Variants in NFIA observed in about 807,000 individuals in gnomAD.
NFIA encodes the protein nuclear factor I A.
In NFIA, 8 loss-of-function variants were observed where a neutral mutation model predicts 62.8. The ratio of observed to expected loss-of-function variants is 0.13; its 90% CI spans 0.07 to 0.23. NFIA has a LOEUF of 0.23. Ranked by LOEUF, NFIA falls within the 10% of genes least tolerant of loss-of-function variation. The pLI, the probability that NFIA is intolerant of heterozygous loss-of-function variation, is 1.00. For missense variants in NFIA, 410 were observed against 642.1 expected, an observed-to-expected ratio of 0.64 and a Z score of 3.91; for synonymous variants, 235 against 238.1, an observed-to-expected ratio of 0.99 and a Z score of 0.12.
intron 2 of NFIA, among the ~76,000 whole-genome samples, chr1:61,220,390 C>T (rs1208912352): frequency 5.3e-5 from 8 of 152,142 alleles, no homozygotes; most frequent in Non-Finnish European, 1.2e-4. Flanking sequence ...AGAAGTTACT[C>T]GCTACTTTAT....
intron 5 of NFIA, among the ~76,000 whole-genome samples, chr1:61,355,374 C>T (rs1008346860): frequency 6.6e-6 from 1 of 152,004 alleles, no homozygotes; most frequent in Admixed American, 6.6e-5. Flanking sequence ...GTTCTGTACC[C>T]CTTCAGGGTA....
intron 6 of NFIA, among the ~76,000 whole-genome samples, chr1:61,361,151 C>T (rs1388761776): frequency 6.6e-6 from 1 of 152,192 alleles, no homozygotes; most frequent in Non-Finnish European, 1.5e-5. Context: ...TTAGTACCAA[C>T]CACAGCACTC....
At chr1:61,131,283 C>A (rs1647068967) in intron 2 of NFIA, among the ~76,000 whole-genome samples, 1 of 151,168 alleles carries the variant, frequency 6.6e-6, no homozygotes, top group African/African-American at 2.4e-5. Context: ...TGTTATCATT[C>A]TAATTAGTGA....
At chr1:61,256,991 T>A (rs1275041467) in intron 2 of NFIA, among the ~76,000 whole-genome samples, 1 of 152,234 alleles carries the variant, frequency 6.6e-6, no homozygotes, top group Non-Finnish European at 1.5e-5. Flanking sequence ...TTAAGTGTTA[T>A]AATTAAAGGA....
Position 61,091,202 on chromosome 1 carries a change from G to C in NFIA, c.559+2522G>C, listed in dbSNP as rs138704012. The stretch of plus-strand genomic sequence containing the variant: ...TCCAGAATGCCTTTTTTTCCCCCTA[G>C]ATGGTCATAGAAATTAGATCTTCTT... On this transcript the variant is annotated intron_variant, in intron 2 of 10. Transcript: ENST00000403491. Among the ~76,000 whole-genome samples, 102 of 151,964 alleles carry C rather than the reference G, an allele frequency of 6.7e-4. 2 individuals are homozygous for C. The East Asian group carries it at 0.019, about 28-fold the overall frequency.
intron 3 of NFIA, among the ~76,000 whole-genome samples, chr1:61,300,154 C>G (rs1659418917): frequency 6.6e-6 from 1 of 152,084 alleles, no homozygotes; most frequent in South Asian, 2.1e-4. Context: ...AATTACCATG[C>G]TTACCAGTAA....
intron 9 of NFIA, among the ~76,000 whole-genome samples, chr1:61,418,225 AG>A (rs1666444441): frequency 6.6e-6 from 1 of 152,160 alleles, no homozygotes; most frequent in East Asian, 1.9e-4. Flanking sequence ...GCACATTGGG[AG>A]GCTGAGACAG....
In NFIA at chr1:61,399,832, C is replaced by T. The variant is rs185249807; in HGVS notation, c.1076-4272C>T. Among the ~76,000 whole-genome samples, 268 of 152,264 alleles carry T rather than the reference C, an allele frequency of 1.8e-3. 1 individual carries two copies. Among genetic ancestry groups the T allele is most frequent in the African/African-American group, 6.4e-3 (264 of 41,556 alleles). ...CTCTTATGTGTCTACAAGACCTCCT[C>T]CCCATAGTGGACTCTCAGACCAAGA... On this transcript the variant is annotated intron_variant, in intron 7 of 10. Coordinates refer to ENST00000403491, the MANE Select transcript of NFIA (RefSeq NM_001134673.4).
chr1:61,191,140 C>G (rs1651588445), intron 2 of NFIA, among the ~76,000 whole-genome samples: 3 of 151,540 alleles, frequency 2.0e-5, no homozygotes, highest in Non-Finnish European at 4.4e-5. Flanking sequence ...CTACATTAAT[C>G]TGTTACTGGG....
chr1:61,394,363 T>C (rs1402548853), intron 7 of NFIA, among the ~76,000 whole-genome samples: 2 of 151,924 alleles, frequency 1.3e-5, no homozygotes, highest in Non-Finnish European at 2.9e-5. Context: ...TTAGTAGAGA[T>C]GGGGTTTCAC....
intron 4 of NFIA, among the ~76,000 whole-genome samples, chr1:61,348,667 A>G (rs1214617579): frequency 1.3e-5 from 2 of 152,326 alleles, no homozygotes; most frequent in East Asian, 3.9e-4. Context: ...TAAAAAAGAT[A>G]AGGCAAAAGA....
chr1:61,266,925 A>G (rs1212306147), intron 2 of NFIA, among the ~76,000 whole-genome samples: 2 of 152,184 alleles, frequency 1.3e-5, no homozygotes, highest in African/African-American at 4.8e-5. Flanking sequence ...AAATCATGCC[A>G]TTCAGTCCTG....
intron 10 of NFIA, among the ~76,000 whole-genome samples, chr1:61,446,163 A>T (rs969886016): frequency 7.9e-5 from 12 of 152,190 alleles, no homozygotes; most frequent in African/African-American, 2.2e-4. Context: ...CAAGCCAGTG[A>T]CTGAACTGGG....
intron 9 of NFIA, among the ~76,000 whole-genome samples, chr1:61,421,256 TG>T (rs1299519584): frequency 1.3e-5 from 2 of 152,220 alleles, no homozygotes; most frequent in Non-Finnish European, 2.9e-5. Context: ...TGTAACATGT[TG>T]GGGATAGCAG....
At chr1:61,268,397 C>G (rs1212701933) in intron 2 of NFIA, among the ~76,000 whole-genome samples, 3 of 151,954 alleles carry the variant, frequency 2.0e-5, no homozygotes, top group African/African-American at 7.2e-5. Flanking sequence ...TCTTCCTGCC[C>G]CTCTACTCCC....
intron 3 of NFIA, among the ~76,000 whole-genome samples, chr1:61,294,858 G>A (rs148425823): frequency 1.2e-4 from 18 of 152,264 alleles, no homozygotes; most frequent in African/African-American, 3.9e-4. Context: ...CGTATTCAGT[G>A]GACTTCTGTA....
intron 2 of NFIA, chr1:61,250,046 A>G (rs1570451572): frequency 6.6e-6 from 1 of 152,198 alleles, no homozygotes; most frequent in Non-Finnish European, 1.5e-5. Flanking sequence ...TGGAAGTTTC[A>G]AATCTATTTT....
At position 61,460,486 on chromosome 1, in the gene NFIA, A is replaced by G. The variant is rs1668486168; in HGVS notation, c.*5166A>G. ...TGGGCTCAATTCACTCTGCTTTCCA[A>G]CAGTGTAAATGCATAGCAGTGTTTA... On this transcript the variant is annotated 3_prime_UTR_variant, in exon 11 of 11. Transcript: ENST00000403491. The G allele has an allele frequency of 6.6e-6, 1 of 152,240 alleles. No homozygotes were observed. 9.4% of individuals were successfully genotyped at this position (152,240 alleles called of 1,614,324 possible). A position where few individuals can be genotyped will look rare whatever the true frequency, so the allele number is the denominator to read the frequency against.
intron 2 of NFIA, among the ~76,000 whole-genome samples, chr1:61,191,674 T>TG (rs1651634712): frequency 6.6e-6 from 1 of 152,202 alleles, no homozygotes; most frequent in Admixed American, 6.5e-5. Context: ...AGCCTGGTGA[T>TG]GCCATGGCAT....
Sources: gnomAD v4.1 joint callset for allele counts (sites outside exome capture counted in the v4.1 genomes callset) on GRCh38, gnomAD v4.1.1 for gene constraint, MANE v1.5 for transcripts, NCBI Gene and HGNC (gene_info 2026-07-23, HGNC 2026-07-21) for gene names.